NUCB2: variants seen among roughly 807,000 people sequenced by gnomAD.
NUCB2 encodes nucleobindin 2.
NUCB2 carries 48 observed loss-of-function variants against 57.9 expected under a neutral mutation model. The ratio of observed to expected loss-of-function variants is 0.83; its 90% confidence interval spans 0.66 to 1.05. The LOEUF (loss-of-function observed/expected upper bound fraction) is 1.05, where lower values mean the gene tolerates loss of function less well. NUCB2 is among the 50% of genes least tolerant of loss of function. The pLI, the probability that NUCB2 is intolerant of heterozygous loss-of-function variation, is 0.00. For synonymous variants in NUCB2, 139 were observed against 152.1 expected (o/e 0.91, Z 0.64); for missense variants, 442 against 476.2 (o/e 0.93, Z 0.67).
chr11:17,294,303 G>A (rs937443973), intron 2 of NUCB2, among the ~76,000 whole-genome samples: 2 of 152,072 alleles, frequency 1.3e-5, no homozygotes. Context: ...CCACCCCAGA[G>A]GTCTTGGGTA....
At chr11:17,338,328 GCTCT>G (rs1317079710) in intron 2 of NUCB2, among the ~76,000 whole-genome samples, 1 of 152,082 alleles carries the variant, frequency 6.6e-6, no homozygotes. Flanking sequence ...TGTCAGCCAT[GCTCT>G]TGGTGATCCT....
At chr11:17,320,483 C>T (rs1475727481) in intron 11 of NUCB2, among the ~76,000 whole-genome samples, 1 of 152,052 alleles carries the variant, frequency 6.6e-6, no homozygotes, top group African/African-American at 2.4e-5. Flanking sequence ...ATGGTGAAAC[C>T]TTGTCTCTAT....
At chr11:17,311,168 G>A in intron 7 of NUCB2, 25 bp from the exon 8 acceptor site, 1 of 1,559,968 alleles carries the variant, frequency 6.4e-7, no homozygotes, top group Admixed American at 2.0e-5. Flanking sequence ...TTTGTTTTGA[G>A]CAATTTTTTA....
At chr11:17,332,884 T>C (rs984854283), downstream of NUCB2, 1 of 151,014 alleles carries the variant, frequency 6.6e-6, no homozygotes, top group African/African-American at 2.4e-5. Context: ...TGGCTAAACA[T>C]TTTTTTTTGT....
intron 6 of NUCB2, among the ~76,000 whole-genome samples, chr11:17,310,574 A>G (rs967541626): frequency 7.9e-5 from 12 of 152,062 alleles, no homozygotes; most frequent in Non-Finnish European, 1.2e-4. Context: ...TTGAACCAAG[A>G]GGTGGAGGTG....
At chr11:17,321,812 A>G (rs991816517) in intron 11 of NUCB2, among the ~76,000 whole-genome samples, 4 of 151,952 alleles carry the variant, frequency 2.6e-5, no homozygotes, top group Non-Finnish European at 5.9e-5. Flanking sequence ...GTGAGATGGT[A>G]TCTCATTGTA....
chr11:17,342,998 T>C (rs1286521862), intron 2 of NUCB2, among the ~76,000 whole-genome samples: 22 of 152,078 alleles, frequency 1.4e-4, no homozygotes, highest in Admixed American at 4.6e-4. Flanking sequence ...TGGGTGCTCC[T>C]GTATTGGGTG....
chr11:17,316,285 T>C (rs563931554), intron 11 of NUCB2, among the ~76,000 whole-genome samples: 1 of 152,322 alleles, frequency 6.6e-6, no homozygotes, highest in East Asian at 1.9e-4. Flanking sequence ...TATTTATGTA[T>C]TTTTTAAAAT....
intron 2 of NUCB2, chr11:17,283,465 G>A (rs566765269): frequency 6.6e-6 from 1 of 152,334 alleles, no homozygotes; most frequent in South Asian, 2.1e-4. Context: ...TTTCAGCTCT[G>A]AAATCTGTAA....
intron 8 of NUCB2, 23 bp from the exon 9 acceptor site, chr11:17,311,849 C>A: frequency 6.8e-7 from 1 of 1,476,082 alleles, no homozygotes. Flanking sequence ...TCTATTTTTG[C>A]ATTTGTAACT....
At chr11:17,285,553 T>C (rs567477129) in intron 2 of NUCB2, among the ~76,000 whole-genome samples, 46 of 135,888 alleles carry the variant, frequency 3.4e-4, no homozygotes, top group African/African-American at 1.3e-3. Context: ...CTCCAGCCTG[T>C]GCAACAGAGC....
chr11:17,339,479 C>T (rs1952071376), intron 2 of NUCB2, among the ~76,000 whole-genome samples: 1 of 151,186 alleles, frequency 6.6e-6, no homozygotes, highest in Admixed American at 6.6e-5. Flanking sequence ...TTAGGTATAT[C>T]TCCTAATGCT....
At chr11:17,292,699 G>A (rs1945138315) in intron 2 of NUCB2, among the ~76,000 whole-genome samples, 1 of 152,184 alleles carries the variant, frequency 6.6e-6, no homozygotes, top group African/African-American at 2.4e-5. Context: ...ACTGCTGTGT[G>A]AACTAGAAGT....
In NUCB2 at chr11:17,330,135, T is replaced by C; in HGVS notation, c.1011T>C (p.Asp337=). ...CATTTTTTTTCTTTTAGACATTAGA[T>C]CAGCAACAGTTCTTCACAGAGGAAG... ...FLEPDSWETL[D]QQQFFTEEEL... Residue 337 remains aspartate, a synonymous_variant, in exon 12 of 14, where the codon GAT becomes GAC. Coordinates refer to ENST00000529010, the MANE Select transcript of NUCB2 (RefSeq NM_005013.4). This position sits in a 1 kb window ranked among gnomAD's most constrained non-coding sequence, Gnocchi z 4.3. 1 of 1,486,884 alleles carries C rather than the reference T, an allele frequency of 6.7e-7. No individual in the cohort carries two copies. Among genetic ancestry groups the C allele is most frequent in the Non-Finnish European group, 9.2e-7 (1 of 1,086,072 alleles). The allele number at this position is 1,486,884 out of a possible 1,614,324, so 92.1% of individuals were successfully genotyped here. A position where few individuals can be genotyped will look rare whatever the true frequency, so the allele number is the denominator to read the frequency against.
At chr11:17,327,341 G>A (rs970251262) in intron 11 of NUCB2, among the ~76,000 whole-genome samples, 1 of 152,164 alleles carries the variant, frequency 6.6e-6, no homozygotes, top group East Asian at 1.9e-4. Flanking sequence ...GATTACAGGT[G>A]TGAGCCACTA....
At chr11:17,297,391 G>T (rs1945995201) in intron 4 of NUCB2, among the ~76,000 whole-genome samples, 4 of 152,088 alleles carry the variant, frequency 2.6e-5, no homozygotes, top group Admixed American at 1.3e-4. Flanking sequence ...CAGCGCTCAG[G>T]TGTGGCATTT....
chr11:17,341,475 T>C (rs1294264481), intron 2 of NUCB2, among the ~76,000 whole-genome samples: 1 of 152,020 alleles, frequency 6.6e-6, no homozygotes, highest in Non-Finnish European at 1.5e-5. Flanking sequence ...CTCTTATTAT[T>C]TTGAAATATG....
rs772834229 is a variant in NUCB2 at position 17,331,304 on chromosome 11, A to G, written c.1256-108A>G. On this transcript the variant is annotated intron_variant, in intron 13 of 13. Coordinates refer to ENST00000529010, the MANE Select transcript of NUCB2 (RefSeq NM_005013.4). ...AATATGTTTTTTAAAATTGTGATCT[A>G]TGATTAGCTAAGCATATTTTTTAAA... The G allele has an allele frequency of 1.3e-4, 70 of 558,932 alleles. 1 individual carries two copies. In the Admixed American group the frequency reaches 1.8e-3, roughly 14 times the overall value. 34.6% of individuals were successfully genotyped at this position (558,932 alleles called of 1,614,324 possible). A position where few individuals can be genotyped will look rare whatever the true frequency, so the allele number is the denominator to read the frequency against.
At chr11:17,344,740 T>C (rs1952582968) in intron 2 of NUCB2, among the ~76,000 whole-genome samples, 1 of 152,252 alleles carries the variant, frequency 6.6e-6, no homozygotes, top group Admixed American at 6.5e-5. Context: ...AAAAGATTTA[T>C]ATAAATGATA....
Sources: gnomAD v4.1 joint callset for allele counts (sites outside exome capture counted in the v4.1 genomes callset) on GRCh38, gnomAD v4.1.1 for gene constraint, Gnocchi (gnomAD v3.1) non-coding constraint, MANE v1.5 for transcripts, NCBI Gene and HGNC (gene_info 2026-07-23, HGNC 2026-07-21) for gene names.